The following CACNA1D variants were observed in gnomAD, a reference collection of about 807,000 sequenced individuals.
CACNA1D encodes calcium voltage-gated channel subunit alpha1 D, also known as voltage-dependent L-type calcium channel subunit alpha-1D.
CACNA1D carries 55 observed loss-of-function variants against 257.1 expected under a neutral mutation model. The ratio of observed to expected loss-of-function variants is 0.21; its 90% CI spans 0.17 to 0.27. The LOEUF (loss-of-function observed/expected upper bound fraction) is 0.27. Ranked by LOEUF, CACNA1D falls within the 10% of genes least tolerant of loss-of-function variation. CACNA1D has a pLI of 1.00. For missense variants in CACNA1D, 1,876 were observed against 2,784.0 expected, an observed-to-expected ratio of 0.67 and a Z score of 7.34; for synonymous variants, 980 against 1,014.9, an observed-to-expected ratio of 0.97 and a Z score of 0.65.
chr3:53,531,746 TTC>T (rs2091958672), intron 3 of CACNA1D, among the ~76,000 whole-genome samples: 1 of 152,246 alleles, frequency 6.6e-6, no homozygotes, highest in Non-Finnish European at 1.5e-5. Context: ...TTATTGAGTC[TTC>T]TCTGACAGTT....
intron 3 of CACNA1D, among the ~76,000 whole-genome samples, chr3:53,585,825 A>T (rs2093205814): frequency 6.6e-6 from 1 of 152,070 alleles, no homozygotes; most frequent in African/African-American, 2.4e-5. Context: ...CCAGTAAGGG[A>T]GGCAGTGCCT....
chr3:53,703,338 G>T (rs1476900932), intron 9 of CACNA1D, among the ~76,000 whole-genome samples: 2 of 152,170 alleles, frequency 1.3e-5, no homozygotes, highest in Admixed American at 1.3e-4. Flanking sequence ...AGGTGTTAAG[G>T]GGCACGTGAG....
intron 25 of CACNA1D, among the ~76,000 whole-genome samples, chr3:53,746,844 G>T (rs376623943): frequency 1.3e-5 from 2 of 152,132 alleles, no homozygotes; most frequent in African/African-American, 4.8e-5. Flanking sequence ...CAATTCTTTC[G>T]GAAAGAAAAT....
At chr3:53,566,464 A>G (rs2092838867) in intron 3 of CACNA1D, among the ~76,000 whole-genome samples, 1 of 152,008 alleles carries the variant, frequency 6.6e-6, no homozygotes, top group Non-Finnish European at 1.5e-5. Flanking sequence ...CTCTCCCATA[A>G]TAGCACCCAC....
At chr3:53,529,635 G>T (rs1372260740) in intron 3 of CACNA1D, among the ~76,000 whole-genome samples, 3 of 152,168 alleles carry the variant, frequency 2.0e-5, no homozygotes, top group Non-Finnish European at 4.4e-5. Context: ...TTAATGATCA[G>T]CCAAGAGTCT....
rs1229501409 is a variant in CACNA1D at position 53,789,357 on chromosome 3, T to C, written c.4923+2405T>C. Among the ~76,000 whole-genome samples, 1 of 152,244 alleles carries C rather than the reference T, an allele frequency of 6.6e-6. No individual in the cohort carries two copies. The highest frequency in any genetic ancestry group is 1.5e-5 in the Non-Finnish European group (1 of 68,040). Reference sequence around the variant, plus strand: ...TGAAACATTAAACATAGACATTTTTTTTGTCTCCTTGAAGGATAATTCTAA... The same window carrying C: ...TGAAACATTAAACATAGACATTTTTCTTGTCTCCTTGAAGGATAATTCTAA... On this transcript the variant is annotated intron_variant, in intron 40 of 47. Coordinates refer to ENST00000350061, the MANE Select transcript of CACNA1D (RefSeq NM_001128840.3). This position sits in a 1 kb window ranked among gnomAD's most constrained non-coding sequence, Gnocchi z 4.2.
At chr3:53,565,757 T>C (rs2092823178) in intron 3 of CACNA1D, among the ~76,000 whole-genome samples, 1 of 152,218 alleles carries the variant, frequency 6.6e-6, no homozygotes, top group African/African-American at 2.4e-5. Flanking sequence ...GCCTTATTTA[T>C]CAAGTAAGAG....
intron 8 of CACNA1D, among the ~76,000 whole-genome samples, chr3:53,702,082 A>G (rs2094631701): frequency 6.6e-6 from 1 of 152,106 alleles, no homozygotes; most frequent in African/African-American, 2.4e-5. Context: ...TCTGGCCCGA[A>G]CCTGCAGGTG....
chr3:53,796,476 G>A, intron 40 of CACNA1D: 1 of 448,656 alleles, frequency 2.2e-6, no homozygotes, highest in Middle Eastern at 3.3e-4. Context: ...TGGCTGGTGT[G>A]TCTGATGGAG....
chr3:53,696,726 A>G (rs1351067978), intron 8 of CACNA1D, among the ~76,000 whole-genome samples: 1 of 152,176 alleles, frequency 6.6e-6, no homozygotes, highest in Non-Finnish European at 1.5e-5. Flanking sequence ...AATTCTGTAG[A>G]CAAAAGCTCA....
chr3:53,642,071 A>G (rs752992843), intron 3 of CACNA1D, among the ~76,000 whole-genome samples: 2 of 152,142 alleles, frequency 1.3e-5, no homozygotes, highest in Non-Finnish European at 2.9e-5. Context: ...GAAAAGCCCA[A>G]ATGGGGAGGG....
At chr3:53,547,256 C>T (rs946313413) in intron 3 of CACNA1D, among the ~76,000 whole-genome samples, 5 of 152,098 alleles carry the variant, frequency 3.3e-5, no homozygotes, top group African/African-American at 1.2e-4. Flanking sequence ...TGCCTGCTTG[C>T]CCCCCATTCA....
At chr3:53,625,678 G>C (rs911898854) in intron 3 of CACNA1D, among the ~76,000 whole-genome samples, 5 of 152,196 alleles carry the variant, frequency 3.3e-5, no homozygotes, top group African/African-American at 4.8e-5. Flanking sequence ...AAGTGCCCTT[G>C]CTGTGTTGGG....
chr3:53,603,438 T>C (rs999190922), intron 3 of CACNA1D, among the ~76,000 whole-genome samples: 2 of 152,216 alleles, frequency 1.3e-5, no homozygotes, highest in Admixed American at 1.3e-4. Flanking sequence ...ATAAGAAATG[T>C]ACCCCTTGGG....
chr3:53,798,314 TGTGTGTGTGTGTGC>T (rs1414222826), intron 40 of CACNA1D, among the ~76,000 whole-genome samples: 7 of 148,056 alleles, frequency 4.7e-5, no homozygotes, highest in Non-Finnish European at 1.0e-4. Context: ...TGTGCGTGTG[TGTGTGTGTGTGTGC>T]GTGTGTGTGC....
In CACNA1D at chr3:53,722,383, T is replaced by A; in HGVS notation, c.1575T>A (p.Phe525Leu). 2.5e-6 allele frequency: 4 copies of A among 1,614,238 alleles called. No homozygotes were observed. The highest frequency in any genetic ancestry group is 3.4e-6 in the Non-Finnish European group (4 of 1,180,030). The change falls in exon 12 of 48, where the codon TTT (phenylalanine) becomes TTA (leucine). Residue 525 changes from phenylalanine to leucine, a missense_variant. Physicochemically the swap from Phe to Leu is conservative, Grantham distance 22. Around this residue, in one of 10 missense-constraint regions of CACNA1D, gnomAD observed 257 missense variants for 399.7 expected, o/e 0.64. Coordinates refer to ENST00000350061, the MANE Select transcript of CACNA1D (RefSeq NM_001128840.3). ...GGGCCGCCGTGAAGTCTGTCACGTT[T>A]TACTGGCTGGTTATCGTCCTGGTGT... ...RCRAAVKSVTFYWLVIVLVFL... is the reference protein window; with the variant it reads ...RCRAAVKSVTLYWLVIVLVFL...
intron 40 of CACNA1D, among the ~76,000 whole-genome samples, chr3:53,790,066 A>T (rs2095476031): frequency 6.6e-6 from 1 of 152,172 alleles, no homozygotes; most frequent in Admixed American, 6.5e-5. Flanking sequence ...CTACAGAGGG[A>T]ACCAGAGAGA....
At chr3:53,798,316 T>C (rs2095517755) in intron 40 of CACNA1D, among the ~76,000 whole-genome samples, 2 of 147,912 alleles carry the variant, frequency 1.4e-5, no homozygotes, top group South Asian at 2.1e-4. Context: ...TGCGTGTGTG[T>C]GTGTGTGTGT....
At chr3:53,584,422 T>C (rs79227824) in intron 3 of CACNA1D, among the ~76,000 whole-genome samples, 57 of 152,348 alleles carry the variant, frequency 3.7e-4, no homozygotes, top group African/African-American at 1.3e-3. Context: ...GATGCTCGTG[T>C]TTTATTTATT....
Sources: allele counts gnomAD v4.1 joint callset (sites outside exome capture counted in the v4.1 genomes callset), GRCh38; gene constraint gnomAD v4.1.1; regional missense constraint gnomAD v4.1.1; non-coding constraint Gnocchi (gnomAD v3.1); transcripts MANE v1.5; gene names NCBI Gene and HGNC (gene_info 2026-07-23, HGNC 2026-07-21).